Variants in ZNF532 observed in about 807,000 individuals in gnomAD.
ZNF532 encodes the protein zinc finger protein 532.
A neutral mutation model predicts 89.3 loss-of-function variants in ZNF532; 22 were observed. That is an observed-to-expected ratio of 0.25 (90% CI 0.18 to 0.35). The LOEUF (loss-of-function observed/expected upper bound fraction) is 0.35. Among genes scored for constraint, ZNF532 ranks in the 10% least tolerant of loss-of-function variants. The pLI, the probability that ZNF532 is intolerant of heterozygous loss-of-function variation, is 1.00. For missense variants in ZNF532, 1,132 were observed against 1,643.4 expected (o/e 0.69, Z 5.38); for synonymous variants, 606 against 649.6 (o/e 0.93, Z 1.02).
At chr18:58,905,149 T>A (rs1568284464) in intron 2 of ZNF532, among the ~76,000 whole-genome samples, 2 of 152,116 alleles carry the variant, frequency 1.3e-5, no homozygotes, top group Non-Finnish European at 2.9e-5. Context: ...GCCTGAAAAT[T>A]GTGTTTCTAA....
intron 7 of ZNF532, among the ~76,000 whole-genome samples, chr18:58,975,280 G>C (rs1053895978): frequency 6.6e-6 from 1 of 152,202 alleles, no homozygotes; most frequent in Admixed American, 6.5e-5. Context: ...CATGGTGGTC[G>C]TTAAGGAGGC....
intron 2 of ZNF532, among the ~76,000 whole-genome samples, chr18:58,875,660 A>C (rs2057362864): frequency 6.6e-6 from 1 of 152,144 alleles, no homozygotes; most frequent in Non-Finnish European, 1.5e-5. Flanking sequence ...GATGCCTTAT[A>C]CTTACTGTCC....
At chr18:58,949,353 C>T (rs910283109) in intron 6 of ZNF532, among the ~76,000 whole-genome samples, 1 of 152,080 alleles carries the variant, frequency 6.6e-6, no homozygotes, top group African/African-American at 2.4e-5. Context: ...AAACAAGAGA[C>T]CCCATATTAT....
Position 58,985,407 on chromosome 18 carries a change from A to G in ZNF532, c.*941A>G, listed in dbSNP as rs1197790256. 1.4e-5 allele frequency: 2 copies of G among 147,948 alleles called. No individual in the cohort carries two copies. Among genetic ancestry groups the G allele is most frequent in the Non-Finnish European group, 3.0e-5 (2 of 66,734 alleles). The allele number at this position is 147,948 out of a possible 1,614,324, so 9.2% of individuals were successfully genotyped here. On this transcript the variant is annotated 3_prime_UTR_variant, in exon 10 of 10. Transcript: ENST00000591808. The stretch of plus-strand genomic sequence containing the variant: ...CAAGTATTTCTCTGGCTCTTGACAG[A>G]AAAAAATCAGTTGACTTAACCCTTT...
At chr18:58,889,706 G>A (rs2058744365) in intron 2 of ZNF532, among the ~76,000 whole-genome samples, 1 of 152,040 alleles carries the variant, frequency 6.6e-6, no homozygotes, top group African/African-American at 2.4e-5. Flanking sequence ...CCAGGGGGTG[G>A]AGGTTGCGGT....
rs781600057 is a variant in ZNF532 at position 58,920,369 on chromosome 18, G to A, written c.2082G>A (p.Pro694=). Residue 694 remains proline (P), a synonymous_variant, in exon 3 of 10, where the codon CCG becomes CCA. Coordinates refer to ENST00000591808, the MANE Select transcript of ZNF532 (RefSeq NM_001375912.1). Reference sequence around the variant, plus strand: ...CAGCAGATCAAATGATAGTTTCTCCGTCAAGCAATACTTCCACTTCAACTT... The same window carrying A: ...CAGCAGATCAAATGATAGTTTCTCCATCAAGCAATACTTCCACTTCAACTT... ...PVPADQMIVS[P]SSNTSTSTST... is the part of the protein sequence containing the mutation. The A allele has an allele frequency of 1.8e-5, 29 of 1,613,832 alleles. No individual in the cohort carries two copies. Among genetic ancestry groups the A allele is most frequent in the East Asian group, 4.5e-5 (2 of 44,898 alleles).
intron 3 of ZNF532, chr18:58,926,098 ATGT>A (rs1361611313): frequency 2.0e-5 from 3 of 152,168 alleles, no homozygotes; most frequent in South Asian, 2.1e-4. Flanking sequence ...TTTTAGAATA[ATGT>A]TGTGTGTTTC....
At chr18:58,923,306 C>T (rs534969155) in intron 3 of ZNF532, among the ~76,000 whole-genome samples, 3 of 151,214 alleles carry the variant, frequency 2.0e-5, no homozygotes, top group East Asian at 3.9e-4. Context: ...TCCTGTTCCT[C>T]GTCTCCCCTT....
rs778015925 is a variant in ZNF532, at chr18:58,919,545, C to T, written c.1258C>T (p.Pro420Ser). 6.2e-7 allele frequency: 1 copy of T among 1,614,226 alleles called. No homozygotes were observed. The highest frequency in any genetic ancestry group is 8.5e-7 in the Non-Finnish European group (1 of 1,180,038). ...PASAAVLSSP[P>S]RAPLQSAVVT... is the part of the protein sequence containing the mutation. ...ATCAGCCGCCGTCCTTTCCTCTCCC[C>T]CCAGGGCGCCTCTCCAGTCTGCGGT... The change falls in exon 3 of 10, where the codon CCC becomes TCC. Residue 420 changes from proline to serine, a missense_variant. Coordinates refer to ENST00000591808, the MANE Select transcript of ZNF532 (RefSeq NM_001375912.1). The surrounding 1 kb of genome is among the most constrained non-coding windows in gnomAD (Gnocchi z 6.1).
intron 2 of ZNF532, among the ~76,000 whole-genome samples, chr18:58,893,849 T>G (rs1050743244): frequency 3.9e-5 from 6 of 152,156 alleles, no homozygotes; most frequent in Non-Finnish European, 5.9e-5. Flanking sequence ...GAGCAGTGGT[T>G]ACATGGGGGT....
chr18:58,976,796 G>A (rs530569030), intron 7 of ZNF532, among the ~76,000 whole-genome samples: 3 of 152,294 alleles, frequency 2.0e-5, no homozygotes, highest in Admixed American at 1.3e-4. Context: ...GATTACAGGC[G>A]TGAGCCACTG....
At chr18:58,934,743 C>A in intron 4 of ZNF532, 129 bp downstream of exon 4, 3 of 899,878 alleles carry the variant, frequency 3.3e-6, no homozygotes, top group East Asian at 2.6e-5. Flanking sequence ...CCTCTGGGAA[C>A]CTAGCTCGTT....
intron 2 of ZNF532, among the ~76,000 whole-genome samples, chr18:58,907,920 G>A (rs1937744153): frequency 6.6e-6 from 1 of 152,130 alleles, no homozygotes; most frequent in Non-Finnish European, 1.5e-5. Flanking sequence ...TGACTAGGAA[G>A]GTTAATAAAT....
intron 3 of ZNF532, among the ~76,000 whole-genome samples, chr18:58,930,905 T>A (rs2061906708): frequency 6.6e-6 from 1 of 152,180 alleles, no homozygotes; most frequent in African/African-American, 2.4e-5. Context: ...TTTTGATCTG[T>A]GGTTGATTGA....
intron 9 of ZNF532, among the ~76,000 whole-genome samples, 154 bp downstream of exon 9, chr18:58,981,771 G>A (rs1465041905): frequency 6.6e-6 from 1 of 152,138 alleles, no homozygotes; most frequent in African/African-American, 2.4e-5. Context: ...TTGGGAGGCC[G>A]AGGCGGGTAA....
At chr18:58,900,355 C>G (rs1390052536) in intron 2 of ZNF532, among the ~76,000 whole-genome samples, 2 of 152,208 alleles carry the variant, frequency 1.3e-5, no homozygotes, top group Non-Finnish European at 2.9e-5. Context: ...GCTCTCTGTT[C>G]TGGTTTCTGT....
intron 4 of ZNF532, among the ~76,000 whole-genome samples, chr18:58,937,785 C>G (rs2062603592): frequency 6.6e-6 from 1 of 152,170 alleles, no homozygotes; most frequent in African/African-American, 2.4e-5. Flanking sequence ...TCTCATTTTA[C>G]AAATGAGTAA....
chr18:58,917,447 G>A (rs1373128330), intron 2 of ZNF532, among the ~76,000 whole-genome samples: 1 of 152,218 alleles, frequency 6.6e-6, no homozygotes, highest in Non-Finnish European at 1.5e-5. Context: ...GTTCCAGGGA[G>A]CAGAACATGC....
chr18:58,933,387 A>T (rs58178912), intron 3 of ZNF532, among the ~76,000 whole-genome samples: 79,071 of 151,948 alleles, frequency 0.52, 21,774 homozygotes, highest in African/African-American at 0.68. Context: ...CTTCAAAAAC[A>T]AGAAGAATAA....
Sources: allele counts gnomAD v4.1 joint callset (sites outside exome capture counted in the v4.1 genomes callset), GRCh38; gene constraint gnomAD v4.1.1; non-coding constraint Gnocchi (gnomAD v3.1); transcripts MANE v1.5; gene names NCBI Gene and HGNC (gene_info 2026-07-23, HGNC 2026-07-21).